NECAP1: variants seen among roughly 807,000 people sequenced by gnomAD.
The protein encoded by NECAP1 is adaptin ear-binding coat-associated protein 1.
A neutral mutation model predicts 33.4 loss-of-function variants in NECAP1; 13 were observed. The ratio of observed to expected loss-of-function variants is 0.39; its 90% confidence interval spans 0.25 to 0.62. The LOEUF (loss-of-function observed/expected upper bound fraction) is 0.62. Ranked by LOEUF, NECAP1 falls within the 20% of genes least tolerant of loss-of-function variation. NECAP1 has a pLI of 0.52. For synonymous variants in NECAP1, 109 were observed against 125.2 expected, an observed-to-expected ratio of 0.87 and a Z score of 0.86; for missense variants, 272 against 347.4, an observed-to-expected ratio of 0.78 and a Z score of 1.73.
chr12:8,083,300 A>G (rs937916731), intron 1 of NECAP1, among the ~76,000 whole-genome samples: 2 of 152,078 alleles, frequency 1.3e-5, no homozygotes, highest in Non-Finnish European at 2.9e-5. Flanking sequence ...GTTAGTGATG[A>G]TACCTGCGCT....
chr12:8,090,385 C>T (rs1311997898), intron 3 of NECAP1, 86 bp downstream of exon 3: 2 of 1,211,182 alleles, frequency 1.7e-6, no homozygotes, highest in Admixed American at 3.9e-5. Flanking sequence ...TTGCATTTAT[C>T]TTTCTTTGGT....
rs1276591464 is a variant in NECAP1 at position 8,090,191 on chromosome 12, T to G, written c.197-4T>G. 6.2e-7 allele frequency: 1 copy of G among 1,614,102 alleles called. No individual in the cohort carries two copies. Among genetic ancestry groups the G allele is most frequent in the Non-Finnish European group, 8.5e-7 (1 of 1,179,938 alleles). ...CTCAAAAAAGTCTTTCTCTTATCTG[T>G]CAGGGGAGCTCTTTGCTCAGGCACC... On this transcript the variant is annotated splice_polypyrimidine_tract_variant and splice_region_variant and intron_variant, in intron 2 of 7. Coordinates refer to ENST00000339754, the MANE Select transcript of NECAP1 (RefSeq NM_015509.4).
In NECAP1 at chr12:8,097,141, G is replaced by A. The variant is rs1249842000; in HGVS notation, c.*1051G>A. 5 of 152,606 alleles carry A rather than the reference G, an allele frequency of 3.3e-5. No individual in the cohort carries two copies. The highest frequency in any genetic ancestry group is 2.6e-4 in the Admixed American group (4 of 15,280). 9.5% of individuals were successfully genotyped at this position (152,606 alleles called of 1,614,324 possible). A position where few individuals can be genotyped will look rare whatever the true frequency, so the allele number is the denominator to read the frequency against. ...ATGTATATTGTCATTTGTGAAGGAA[G>A]TTGGAGAGTCACAGCTTTACTGTGA... On this transcript the variant is annotated 3_prime_UTR_variant, in exon 8 of 8. Coordinates refer to ENST00000339754, the MANE Select transcript of NECAP1 (RefSeq NM_015509.4).
Position 8,096,240 on chromosome 12 carries a change from G to A in NECAP1, c.*150G>A. On this transcript the variant is annotated 3_prime_UTR_variant, in exon 8 of 8. Coordinates refer to ENST00000339754, the MANE Select transcript of NECAP1 (RefSeq NM_015509.4). ...ATAGCTTCTCCATCACATTCAAGCTGGTTTATGTCACTCCCCTGTGTTGTT... is the reference window on the plus strand; with the variant it reads ...ATAGCTTCTCCATCACATTCAAGCTAGTTTATGTCACTCCCCTGTGTTGTT... The A allele has an allele frequency of 1.3e-6, 1 of 748,820 alleles. No homozygotes were observed. The highest frequency in any genetic ancestry group is 2.2e-6 in the Non-Finnish European group (1 of 462,334). The allele number at this position is 748,820 out of a possible 1,614,324, so 46.4% of individuals were successfully genotyped here. A position where few individuals can be genotyped will look rare whatever the true frequency, so the allele number is the denominator to read the frequency against.
chr12:8,092,582 A>C, intron 4 of NECAP1, 94 bp from the exon 5 acceptor site: 29 of 797,818 alleles, frequency 3.6e-5, no homozygotes, highest in South Asian at 5.9e-5. Flanking sequence ...GTTTTCTGGA[A>C]TCTCATTTCA....
chr12:8,096,804 G>C lies in NECAP1; in HGVS notation c.*714G>C, dbSNP rs1443232366. On this transcript the variant is annotated 3_prime_UTR_variant, in exon 8 of 8. Coordinates refer to ENST00000339754, the MANE Select transcript of NECAP1 (RefSeq NM_015509.4). ...GAGTTTGAATTGTGTTAACATCTTT[G>C]ATCAGTGGGTGTATCTGTAATGAAG... is the stretch of plus-strand genomic sequence containing the variant. 1.3e-5 allele frequency: 2 copies of C among 152,544 alleles called. No homozygotes were observed. The highest frequency in any genetic ancestry group is 2.9e-5 in the Non-Finnish European group (2 of 68,062). 9.4% of individuals were successfully genotyped at this position (152,544 alleles called of 1,614,324 possible). A position where few individuals can be genotyped will look rare whatever the true frequency, so the allele number is the denominator to read the frequency against.
intron 7 of NECAP1, 42 bp from the exon 8 acceptor site, chr12:8,096,000 T>G: frequency 1.2e-6 from 2 of 1,608,062 alleles, no homozygotes; most frequent in African/African-American, 2.7e-5. Context: ...GTTGTTATCC[T>G]AATATTATGT....
At chr12:8,090,131 T>C (rs752860783) in intron 2 of NECAP1, 64 bp from the exon 3 acceptor site, 125 of 1,586,394 alleles carry the variant, frequency 7.9e-5, no homozygotes, top group Non-Finnish European at 1.0e-4. Flanking sequence ...GAAATACTAC[T>C]TGTTAATTGG....
chr12:8,095,874 C>A, intron 7 of NECAP1, 168 bp from the exon 8 acceptor site: 1 of 1,097,378 alleles, frequency 9.1e-7, no homozygotes, highest in South Asian at 1.5e-5. Context: ...GACAAAAAAG[C>A]TGTAGGATGA....
chr12:8,096,664 T>C lies in NECAP1; in HGVS notation c.*574T>C, dbSNP rs950596167. On this transcript the variant is annotated 3_prime_UTR_variant, in exon 8 of 8. Coordinates refer to ENST00000339754, the MANE Select transcript of NECAP1 (RefSeq NM_015509.4). ...GTAGTCTCCTTCAGGCTTATTGTGC[T>C]CAGTGAACATCCAGTGCTGGGTGCA... The C allele has an allele frequency of 6.5e-6, 1 of 152,780 alleles. No homozygotes were observed. The highest frequency in any genetic ancestry group is 1.5e-5 in the Non-Finnish European group (1 of 68,142). The allele number at this position is 152,780 out of a possible 1,614,324, so 9.5% of individuals were successfully genotyped here. A position where few individuals can be genotyped will look rare whatever the true frequency, so the allele number is the denominator to read the frequency against.
At chr12:8,091,617 G>A (rs1036420976) in intron 3 of NECAP1, 152 bp from the exon 4 acceptor site, 11 of 638,342 alleles carry the variant, frequency 1.7e-5, no homozygotes, top group East Asian at 5.5e-5. Context: ...GACGGGGAGC[G>A]GCTGTAAATA....
Position 8,096,067 on chromosome 12 carries a change from C to T in NECAP1, c.805C>T (p.Pro269Ser), listed in dbSNP as rs1157255041. 1 of 1,614,144 alleles carries T rather than the reference C, an allele frequency of 6.2e-7. No homozygotes were observed. The highest frequency in any genetic ancestry group is 1.6e-4 in the Middle Eastern group (1 of 6,062). Residue 269 changes from proline to serine, a missense_variant, in exon 8 of 8, where the codon CCA becomes TCA. Transcript: ENST00000339754. ...CTCTGTTCCAAACCAGGCACCACAG[C>T]CATCCAACTGGGTCCAGTTCTGAAT... Reference protein sequence around the residue: ...SSSVPNQAPQPSNWVQF With the variant: ...SSSVPNQAPQSSNWVQF
At chr12:8,082,414 G>C in intron 1 of NECAP1, 31 bp downstream of exon 1, 10 of 1,583,170 alleles carry the variant, frequency 6.3e-6, no homozygotes, top group Non-Finnish European at 8.7e-6. Context: ...CCGCACACGC[G>C]TACTCTGTCG....
chr12:8,082,432 C>T, intron 1 of NECAP1, 49 bp downstream of exon 1: 1 of 1,520,584 alleles, frequency 6.6e-7, no homozygotes, highest in South Asian at 1.1e-5. Flanking sequence ...TCGCAGATGA[C>T]AGCTTCCTTC....
intron 6 of NECAP1, chr12:8,093,310 T>C: frequency 2.2e-6 from 1 of 459,926 alleles, no homozygotes; most frequent in Non-Finnish European, 3.8e-6. Context: ...TAGATGCTTA[T>C]AAGCTTTTGA....
chr12:8,095,564 T>A, intron 6 of NECAP1, 37 bp from the exon 7 acceptor site: 1 of 1,546,470 alleles, frequency 6.5e-7, no homozygotes, highest in South Asian at 1.1e-5. Flanking sequence ...AGATTTTGAT[T>A]ATGTTTTTCT....
intron 1 of NECAP1, among the ~76,000 whole-genome samples, chr12:8,087,075 G>A (rs989463356): frequency 2.7e-5 from 4 of 150,724 alleles, no homozygotes; most frequent in African/African-American, 4.9e-5. Flanking sequence ...TCTATAATGC[G>A]TTTCAGTGTA....
At chr12:8,087,503 T>C (rs895156180) in intron 1 of NECAP1, among the ~76,000 whole-genome samples, 2 of 150,188 alleles carry the variant, frequency 1.3e-5, no homozygotes, top group African/African-American at 4.9e-5. Flanking sequence ...GAAAAACACA[T>C]TTAATAGACT....
chr12:8,086,596 A>G (rs1431839527), intron 1 of NECAP1, among the ~76,000 whole-genome samples: 2 of 152,194 alleles, frequency 1.3e-5, no homozygotes, highest in Non-Finnish European at 2.9e-5. Flanking sequence ...CCTAGGCGAC[A>G]GAGCAGGACT....
Sources: gnomAD v4.1 joint callset for allele counts (sites outside exome capture counted in the v4.1 genomes callset) on GRCh38, gnomAD v4.1.1 for gene constraint, MANE v1.5 for transcripts, NCBI Gene and HGNC (gene_info 2026-07-23, HGNC 2026-07-21) for gene names.